Variants in CHN2 observed in about 807,000 individuals in gnomAD.
CHN2 encodes beta-chimaerin.
CHN2 carries 35 observed loss-of-function variants against 56.3 expected under a neutral mutation model. The ratio of observed to expected loss-of-function variants is 0.62; its 90% CI spans 0.47 to 0.82. The LOEUF (loss-of-function observed/expected upper bound fraction) is 0.82. CHN2 is among the 40% of genes least tolerant of loss of function. The pLI is 0.00. For synonymous variants in CHN2, 210 were observed against 212.8 expected, an observed-to-expected ratio of 0.99 and a Z score of 0.12; for missense variants, 491 against 580.5, an observed-to-expected ratio of 0.85 and a Z score of 1.58.
chr7:29,228,466 A>G (rs1268897569), intron 1 of CHN2, among the ~76,000 whole-genome samples: 1 of 152,206 alleles, frequency 6.6e-6, no homozygotes, highest in Non-Finnish European at 1.5e-5. Context: ...ACACGCTATG[A>G]TGTTCGCACA....
At chr7:29,467,340 C>T (rs975858495) in intron 6 of CHN2, among the ~76,000 whole-genome samples, 2 of 152,034 alleles carry the variant, frequency 1.3e-5, no homozygotes, top group African/African-American at 2.4e-5. Context: ...GTTTGATATG[C>T]GTGTTTGTGT....
At chr7:29,297,245 C>T (rs1363528818) in intron 1 of CHN2, among the ~76,000 whole-genome samples, 1 of 152,218 alleles carries the variant, frequency 6.6e-6, no homozygotes, top group African/African-American at 2.4e-5. Flanking sequence ...CTCGCCCCTG[C>T]AAAGGGCACT....
At chr7:29,504,902 T>G in intron 10 of CHN2, 81 bp downstream of exon 10, 1 of 982,474 alleles carries the variant, frequency 1.0e-6, no homozygotes, top group East Asian at 2.4e-5. Flanking sequence ...ATAGTAGAAA[T>G]GGGGTTTCAG....
At chr7:29,195,629 A>AGTGTGTGTGTGT (rs70980513) in intron 1 of CHN2, among the ~76,000 whole-genome samples, 7 of 117,580 alleles carry the variant, frequency 6.0e-5, no homozygotes, top group African/African-American at 1.8e-4. Context: ...AGAGAGAGAG[A>AGTGTGTGTGTGT]GTGTGTGTGT....
In CHN2 at chr7:29,400,601, G is replaced by C; in HGVS notation, c.349G>C (p.Glu117Gln). ...CCACGACGGGAAACACTTTGTGGGT[G>C]AGAAGAGGTTTGAGTCGATTCATGA... ...LFHDGKHFVG[E>Q]KRFESIHDLV... The change falls in exon 6 of 13, where the codon GAG becomes CAG. Residue 117 changes from glutamate (E) to glutamine (Q), a missense_variant. Coordinates refer to ENST00000222792, the MANE Select transcript of CHN2 (RefSeq NM_004067.4). The C allele has an allele frequency of 1.9e-6, 3 of 1,614,202 alleles. No homozygotes were observed. Among genetic ancestry groups the C allele is most frequent in the Non-Finnish European group, 1.7e-6 (2 of 1,180,050 alleles).
intron 2 of CHN2, among the ~76,000 whole-genome samples, chr7:29,166,879 A>G (rs1795991408): frequency 6.6e-6 from 1 of 152,088 alleles, no homozygotes; most frequent in South Asian, 2.1e-4. Context: ...AAACATATTT[A>G]TAATAGTTCT....
At chr7:29,468,211 C>G (rs1230169297) in intron 6 of CHN2, among the ~76,000 whole-genome samples, 1 of 143,992 alleles carries the variant, frequency 6.9e-6, no homozygotes, top group Non-Finnish European at 1.5e-5. Flanking sequence ...ATACTTCCAC[C>G]AAAAGGATGT....
chr7:29,307,689 A>T (rs1340568839), intron 1 of CHN2, among the ~76,000 whole-genome samples: 1 of 152,196 alleles, frequency 6.6e-6, no homozygotes, highest in Non-Finnish European at 1.5e-5. Flanking sequence ...GGAAGGGACC[A>T]GGAGTCAAGG....
intron 1 of CHN2, among the ~76,000 whole-genome samples, chr7:29,263,966 G>A (rs1197679265): frequency 2.4e-5 from 3 of 122,480 alleles, no homozygotes; most frequent in African/African-American, 1.2e-4. Flanking sequence ...CCCCGTCTGG[G>A]AGGTGGGGGG....
chr7:29,407,400 C>T (rs1206660117), intron 6 of CHN2, among the ~76,000 whole-genome samples: 1 of 151,732 alleles, frequency 6.6e-6, no homozygotes, highest in Non-Finnish European at 1.5e-5. Context: ...CATAGTGTTA[C>T]CCATTGTCCT....
In CHN2 at chr7:29,504,343, C is replaced by G. The variant is rs1583431656; in HGVS notation, c.914-401C>G. 2.6e-5 allele frequency among the ~76,000 whole-genome samples: 4 copies of G among 152,140 alleles called. No individual in the cohort carries two copies. In the South Asian group the frequency reaches 8.3e-4, roughly 32 times the overall value. ...TATACCCCATAAATATATACACCTA[C>G]TGTGTACCCACAAAAATTAATAAAG... On this transcript the variant is annotated intron_variant, in intron 9 of 12. Coordinates refer to ENST00000222792, the MANE Select transcript of CHN2 (RefSeq NM_004067.4).
At chr7:29,469,419 C>A (rs757472423) in intron 6 of CHN2, among the ~76,000 whole-genome samples, 1 of 152,218 alleles carries the variant, frequency 6.6e-6, no homozygotes, top group African/African-American at 2.4e-5. Context: ...TGGCTGCTCA[C>A]GTCACTCAGA....
chr7:29,203,095 C>T (rs557406501), intron 1 of CHN2, among the ~76,000 whole-genome samples: 3 of 152,270 alleles, frequency 2.0e-5, no homozygotes, highest in East Asian at 3.9e-4. Context: ...AGAGTTCAAA[C>T]GCTTAGTACA....
At chr7:29,382,418 G>T (rs527965696) in intron 3 of CHN2, among the ~76,000 whole-genome samples, 3 of 152,188 alleles carry the variant, frequency 2.0e-5, no homozygotes, top group Non-Finnish European at 4.4e-5. Context: ...GTTTTGTCCC[G>T]TAGCTTGGAA....
At chr7:29,300,190 A>T (rs909386615) in intron 1 of CHN2, among the ~76,000 whole-genome samples, 4 of 152,184 alleles carry the variant, frequency 2.6e-5, no homozygotes, top group Admixed American at 6.5e-5. Flanking sequence ...ATGTCAAGCT[A>T]AGGAATGTGG....
intron 1 of CHN2, among the ~76,000 whole-genome samples, chr7:29,351,630 C>T (rs377293333): frequency 2.6e-5 from 4 of 152,152 alleles, no homozygotes; most frequent in Non-Finnish European, 5.9e-5. Context: ...ATGCAGCGAT[C>T]TATTGGAGGG....
chr7:29,366,382 A>G (rs186075608), intron 2 of CHN2, among the ~76,000 whole-genome samples: 7 of 152,290 alleles, frequency 4.6e-5, no homozygotes, highest in Admixed American at 2.0e-4. Flanking sequence ...GCGCAGCAAC[A>G]TGCATAGGAA....
chr7:29,388,792 C>T (rs1333925962), intron 3 of CHN2, among the ~76,000 whole-genome samples: 1 of 152,124 alleles, frequency 6.6e-6, no homozygotes, highest in Non-Finnish European at 1.5e-5. Flanking sequence ...GATGATGAGA[C>T]CATTGGGCTG....
At position 29,417,333 on chromosome 7, in the gene CHN2, C is replaced by CTT. The variant is rs5883209; in HGVS notation, c.576+16524_576+16525dup. ...TTTGTGACATTTTTTTACTGTAACC[C>CTT]TTTTTTTTTTTTTTTTTTTTAAGAC... is the stretch of plus-strand genomic sequence containing the variant. On this transcript the variant is annotated intron_variant, in intron 6 of 12. Transcript: ENST00000222792. Among the ~76,000 whole-genome samples, 394 of 121,116 alleles carry CTT rather than the reference C, an allele frequency of 3.3e-3. 2 individuals carry two copies. The highest frequency in any genetic ancestry group is 0.011 in the African/African-American group (361 of 32,818). The allele number at this position is 121,116 out of a possible 152,430, so 79.5% of individuals were successfully genotyped here. A position where few individuals can be genotyped will look rare whatever the true frequency, so the allele number is the denominator to read the frequency against.
Sources: allele counts gnomAD v4.1 joint callset (sites outside exome capture counted in the v4.1 genomes callset), GRCh38; gene constraint gnomAD v4.1.1; transcripts MANE v1.5; gene names NCBI Gene and HGNC (gene_info 2026-07-23, HGNC 2026-07-21).